VAV2: variants seen among roughly 807,000 people sequenced by gnomAD.
VAV2 encodes guanine nucleotide exchange factor VAV2.
A neutral mutation model predicts 132.5 loss-of-function variants in VAV2; 67 were observed. The observed-to-expected ratio is 0.51, with a 90% CI of 0.42 to 0.62. The LOEUF is 0.62. Ranked by LOEUF, VAV2 falls within the 20% of genes least tolerant of loss-of-function variation. The pLI, the probability that VAV2 is intolerant of heterozygous loss-of-function variation, is 0.00. For synonymous variants in VAV2, 492 were observed against 443.5 expected, an observed-to-expected ratio of 1.11 and a Z score of -1.37; for missense variants, 938 against 1,153.6, an observed-to-expected ratio of 0.81 and a Z score of 2.71.
chr9:133,876,677 AG>A (rs1350641371), intron 2 of VAV2, among the ~76,000 whole-genome samples: 1 of 152,100 alleles, frequency 6.6e-6, no homozygotes, highest in Non-Finnish European at 1.5e-5. Context: ...GGACCGCGGG[AG>A]GGGGGCGGCC....
chr9:133,865,673 G>A (rs572869577), intron 2 of VAV2, among the ~76,000 whole-genome samples: 9 of 151,716 alleles, frequency 5.9e-5, no homozygotes, highest in East Asian at 3.9e-4. Flanking sequence ...CTCTCTCATC[G>A]ACTGCATCTG....
At chr9:133,847,677 G>A (rs1175933723) in intron 3 of VAV2, among the ~76,000 whole-genome samples, 1 of 152,190 alleles carries the variant, frequency 6.6e-6, no homozygotes, top group Non-Finnish European at 1.5e-5. Context: ...CTGCCCAACG[G>A]GTTGGCCCTG....
At chr9:133,811,251 AC>A (rs1835348406) in intron 5 of VAV2, among the ~76,000 whole-genome samples, 1 of 152,206 alleles carries the variant, frequency 6.6e-6, no homozygotes, top group South Asian at 2.1e-4. Flanking sequence ...CCAGCCCTGC[AC>A]CTGCCTGTCT....
intron 3 of VAV2, among the ~76,000 whole-genome samples, chr9:133,845,088 T>G (rs1836878112): frequency 6.6e-6 from 1 of 152,266 alleles, no homozygotes; most frequent in South Asian, 2.1e-4. Flanking sequence ...AACGGCTTCC[T>G]GAGCTTCCCC....
chr9:133,956,858 C>T (rs1015274929), intron 1 of VAV2, among the ~76,000 whole-genome samples: 1 of 152,222 alleles, frequency 6.6e-6, no homozygotes, highest in African/African-American at 2.4e-5. Context: ...ACAGAGCCCT[C>T]TGTGGGGGAC....
chr9:133,842,211 C>A (rs932467744), intron 3 of VAV2, among the ~76,000 whole-genome samples: 2 of 152,242 alleles, frequency 1.3e-5, no homozygotes, highest in Non-Finnish European at 2.9e-5. Context: ...GGGCTTGAGA[C>A]AGTCCCTAAT....
intron 2 of VAV2, among the ~76,000 whole-genome samples, chr9:133,896,372 T>C (rs543589619): frequency 2.7e-4 from 41 of 152,200 alleles, no homozygotes; most frequent in African/African-American, 8.9e-4. Flanking sequence ...GAGAATCTCT[T>C]GAACCCGGGA....
At chr9:133,892,229 G>C (rs570769210) in intron 2 of VAV2, among the ~76,000 whole-genome samples, 1 of 151,238 alleles carries the variant, frequency 6.6e-6, no homozygotes, top group East Asian at 2.0e-4. Context: ...GGATCAGCAA[G>C]GGGCCTGCTC....
At chr9:133,960,645 C>T (rs752839860) in intron 1 of VAV2, among the ~76,000 whole-genome samples, 10 of 152,222 alleles carry the variant, frequency 6.6e-5, no homozygotes, top group South Asian at 2.1e-4. Context: ...AGTCAGTGAA[C>T]GCCCTGCTGA....
At chr9:133,837,412 T>A (rs561559290) in intron 3 of VAV2, among the ~76,000 whole-genome samples, 24 of 152,294 alleles carry the variant, frequency 1.6e-4, no homozygotes, top group African/African-American at 5.8e-4. Context: ...AAACCTTTTG[T>A]CGGCCAGGCG....
intron 2 of VAV2, among the ~76,000 whole-genome samples, chr9:133,862,022 G>C (rs1422301395): frequency 6.6e-6 from 1 of 152,260 alleles, no homozygotes; most frequent in African/African-American, 2.4e-5. Context: ...GGATGCAGAA[G>C]GTCAAGAGCT....
At chr9:133,914,511 C>T (rs1267750181) in intron 2 of VAV2, among the ~76,000 whole-genome samples, 2 of 145,240 alleles carry the variant, frequency 1.4e-5, no homozygotes, top group African/African-American at 2.6e-5. Context: ...ACTCAAAGGG[C>T]GCGCAGCGTG....
intron 27 of VAV2, 61 bp downstream of exon 27, chr9:133,770,317 A>T: frequency 1.2e-6 from 2 of 1,606,644 alleles, no homozygotes; most frequent in South Asian, 2.2e-5. Context: ...GAGCCCTGGG[A>T]AGTGGGCCAG....
At chr9:133,906,225 T>C (rs1331226523) in intron 2 of VAV2, among the ~76,000 whole-genome samples, 1 of 152,152 alleles carries the variant, frequency 6.6e-6, no homozygotes, top group Non-Finnish European at 1.5e-5. Flanking sequence ...CATCACCGTG[T>C]GCCTGCACTA....
In VAV2 at chr9:133,794,661, G is replaced by A. The variant is rs1400365933; in HGVS notation, c.1101+1007C>T. Among the ~76,000 whole-genome samples, 1 of 152,192 alleles carries A rather than the reference G, an allele frequency of 6.6e-6. No homozygotes were observed. Among genetic ancestry groups the A allele is most frequent in the Admixed American group, 6.5e-5 (1 of 15,288 alleles). Reference sequence around the variant, plus strand: ...TCAGAGGGCAGGACTGCAGCCCTGAGGGGGGCTGGCAGAGGTGTCCTGTGC... The same window carrying A: ...TCAGAGGGCAGGACTGCAGCCCTGAAGGGGGCTGGCAGAGGTGTCCTGTGC... On this transcript the variant is annotated intron_variant, in intron 12 of 29. Coordinates refer to ENST00000371850, the MANE Select transcript of VAV2 (RefSeq NM_001134398.2). This position sits in a 1 kb window ranked among gnomAD's most constrained non-coding sequence, Gnocchi z 4.6.
chr9:133,825,179 G>T (rs1257152936), intron 4 of VAV2, among the ~76,000 whole-genome samples: 3 of 142,144 alleles, frequency 2.1e-5, no homozygotes, highest in Non-Finnish European at 4.6e-5. Flanking sequence ...AGGTGTCCTT[G>T]TCGATGAAGG....
Position 133,795,688 on chromosome 9 carries a change from C to CT in VAV2, c.1080dup (p.Glu361ArgfsTer15). ...CACACCTGCATGGCTTCCAGTGCTT[C>CT]TTTGAGCTGCTGCCTCTCAGGCCGT... On this transcript the variant is annotated frameshift_variant, in exon 12 of 30. Transcript: ENST00000371850. LOFTEE classifies it high-confidence loss of function. The CT allele has an allele frequency of 6.2e-7, 1 of 1,614,182 alleles. No homozygotes were observed. The highest frequency in any genetic ancestry group is 8.5e-7 in the Non-Finnish European group (1 of 1,180,006).
At chr9:133,946,962 C>T (rs568057351) in intron 1 of VAV2, among the ~76,000 whole-genome samples, 2 of 152,284 alleles carry the variant, frequency 1.3e-5, no homozygotes, top group South Asian at 2.1e-4. Flanking sequence ...GCCCATCACA[C>T]GGGCTCAGTA....
At position 133,884,111 on chromosome 9, in the gene VAV2, C is replaced by T. The variant is rs1470172603; in HGVS notation, c.322-22679G>A. 1.3e-5 allele frequency among the ~76,000 whole-genome samples: 2 copies of T among 151,610 alleles called. No individual in the cohort carries two copies. The highest frequency in any genetic ancestry group is 2.9e-5 in the Non-Finnish European group (2 of 67,938). On this transcript the variant is annotated intron_variant, in intron 2 of 29. Coordinates refer to ENST00000371850, the MANE Select transcript of VAV2 (RefSeq NM_001134398.2). The surrounding 1 kb of genome is among the most constrained non-coding windows in gnomAD (Gnocchi z 5.3). ...AGGTTGCAGTGAGCTGAGATTGCGC[C>T]ACTGCATTCCAGCCTGGCAACAGCC...
Sources: gnomAD v4.1 joint callset for allele counts (sites outside exome capture counted in the v4.1 genomes callset) on GRCh38, gnomAD v4.1.1 for gene constraint, Gnocchi (gnomAD v3.1) non-coding constraint, MANE v1.5 for transcripts, NCBI Gene and HGNC (gene_info 2026-07-23, HGNC 2026-07-21) for gene names.